Variants in HJURP observed in about 807,000 individuals in gnomAD.
HJURP encodes the protein 14-3-3-associated AKT substrate.
HJURP carries 49 observed loss-of-function variants against 72.0 expected under a neutral mutation model. That is an observed-to-expected ratio of 0.68 (90% CI 0.54 to 0.86). HJURP has a LOEUF of 0.86. Among genes scored for constraint, HJURP ranks in the 40% least tolerant of loss-of-function variants. The pLI is 0.00. For synonymous variants in HJURP, 357 were observed against 347.1 expected (o/e 1.03, Z -0.32); for missense variants, 908 against 936.3 (o/e 0.97, Z 0.39).
At chr2:233,842,850 C>T (rs953388964) in intron 7 of HJURP, among the ~76,000 whole-genome samples, 2 of 152,168 alleles carry the variant, frequency 1.3e-5, no homozygotes, top group Non-Finnish European at 2.9e-5. Flanking sequence ...CAGATGAGCA[C>T]GTGTTAACTC....
Position 233,846,835 on chromosome 2 carries a change from G to A in HJURP, c.402+562C>T, listed in dbSNP as rs638071. Among the ~76,000 whole-genome samples, 3,356 of 152,064 alleles carry A rather than the reference G, an allele frequency of 0.022. 125 individuals are homozygous for A. Among genetic ancestry groups the A allele is most frequent in the African/African-American group, 0.077 (3,192 of 41,452 alleles). Reference sequence around the variant, plus strand: ...AGCTGGTTAAGCTCTGTGTAAATTCGCATCTATCCCAACCAAGGAGGATAA... The same window carrying A: ...AGCTGGTTAAGCTCTGTGTAAATTCACATCTATCCCAACCAAGGAGGATAA... On this transcript the variant is annotated intron_variant, in intron 5 of 8. Transcript: ENST00000411486. This position sits in a 1 kb window ranked among gnomAD's most constrained non-coding sequence, Gnocchi z 4.3.
chr2:233,837,392 C>A lies in HJURP; in HGVS notation c.*185G>T. The A allele has an allele frequency of 2.2e-6, 1 of 462,702 alleles. No individual in the cohort carries two copies. Among genetic ancestry groups the A allele is most frequent in the Admixed American group, 4.2e-5 (1 of 23,924 alleles). The allele number at this position is 462,702 out of a possible 1,614,324, so 28.7% of individuals were successfully genotyped here. A position where few individuals can be genotyped will look rare whatever the true frequency, so the allele number is the denominator to read the frequency against. On this transcript the variant is annotated 3_prime_UTR_variant, in exon 9 of 9. Coordinates refer to ENST00000411486, the MANE Select transcript of HJURP (RefSeq NM_018410.5). ...GAGAACCCTAAAAATTCTAATTGAG[C>A]AACTTTATTCACATAATTTCTACAC... is the stretch of plus-strand genomic sequence containing the variant.
chr2:233,841,446 T>C lies in HJURP; in HGVS notation c.1334A>G (p.Tyr445Cys). ...AGGCTGGTTCCTGGGACTCAGGCAA[T>C]ATTCCCGATGAAGCTGATCAAATCG... is the stretch of plus-strand genomic sequence containing the variant. ...EIRFDQLHRE[Y>C]CLSPRNQPRR... The change falls in exon 8 of 9, where the codon TAT (tyrosine) becomes TGT (cysteine). Residue 445 changes from tyrosine (Y) to cysteine (C), a missense_variant. Tyr to Cys is a radical substitution (Grantham distance 194). This residue lies in a region of HJURP where 598 missense variants were observed against 619.5 expected (regional missense o/e 0.97). Transcript: ENST00000411486. The C allele has an allele frequency of 1.2e-6, 2 of 1,614,186 alleles. No individual in the cohort carries two copies. The highest frequency in any genetic ancestry group is 1.1e-5 in the South Asian group (1 of 91,080).
intron 6 of HJURP, among the ~76,000 whole-genome samples, chr2:233,844,693 A>G (rs1705312394): frequency 1.3e-5 from 2 of 152,204 alleles, no homozygotes; most frequent in South Asian, 4.1e-4. Context: ...CCAAGAGGAC[A>G]CCACTTGCTG....
Position 233,847,424 on chromosome 2 carries a change from C to T in HJURP, c.375G>A (p.Gln125=). 6.2e-7 allele frequency: 1 copy of T among 1,614,154 alleles called. No individual in the cohort carries two copies. The highest frequency in any genetic ancestry group is 1.1e-5 in the South Asian group (1 of 91,082). Residue 125 remains glutamine (Q), a synonymous_variant, in exon 5 of 9, where the codon CAG becomes CAA. Transcript: ENST00000411486. ...KSGEVDATSD[Q]EESVAWALAP... ...CTAAGGCCCAAGCAACTGACTCTTC[C>T]TGGTCTGACGTGGCATCGACCTCAC...
At position 233,840,712 on chromosome 2, in the gene HJURP, C is replaced by T. The variant is rs1180111669; in HGVS notation, c.2068G>A (p.Gly690Ser). Residue 690 changes from glycine to serine, a missense_variant, in exon 8 of 9, where the codon GGC becomes AGC. By Grantham distance (56) the Gly-to-Ser change is moderately conservative. Transcript: ENST00000411486. The stretch of plus-strand genomic sequence containing the variant: ...AGGGAATTGCCCTGGCGTCCGGAGC[C>T]CTGGGGTTCTGATAGCCTGGGTCTT... ...AKRPRLSEPQGSGRQGNSLGA... is the reference protein window; with the variant it reads ...AKRPRLSEPQSSGRQGNSLGA... The T allele has an allele frequency of 1.2e-6, 2 of 1,614,060 alleles. No homozygotes were observed. The highest frequency in any genetic ancestry group is 1.7e-6 in the Non-Finnish European group (2 of 1,180,024).
chr2:233,847,977 C>T (rs904678801), intron 4 of HJURP, among the ~76,000 whole-genome samples: 11 of 152,112 alleles, frequency 7.2e-5, no homozygotes, highest in Non-Finnish European at 1.2e-4. Flanking sequence ...TGATTTCAAG[C>T]GGTTGGGGAA....
At position 233,837,319 on chromosome 2, in the gene HJURP, A is replaced by AATACCC. The variant is rs1553643892; in HGVS notation, c.*257_*258insGGGTAT. 1.5e-5 allele frequency: 4 copies of AATACCC among 275,476 alleles called. No homozygotes were observed. The highest frequency in any genetic ancestry group is 8.2e-5 in the African/African-American group (3 of 36,520). The allele number at this position is 275,476 out of a possible 1,614,324, so 17.1% of individuals were successfully genotyped here. The stretch of plus-strand genomic sequence containing the variant: ...AAACAAACAAACAAACAAACAAATA[A>AATACCC]CCCCCCCCCAAAAAAAACACACACA... On this transcript the variant is annotated 3_prime_UTR_variant, in exon 9 of 9. Transcript: ENST00000411486.
At position 233,841,445 on chromosome 2, in the gene HJURP, A is replaced by G. The variant is rs1420337507; in HGVS notation, c.1335T>C (p.Tyr445=). 5 of 1,614,092 alleles carry G rather than the reference A, an allele frequency of 3.1e-6. No homozygotes were observed. The African/African-American group carries it at 5.3e-5, about 17-fold the overall frequency. The part of the protein sequence containing the change: ...EIRFDQLHRE[Y]CLSPRNQPRR... ...GAGGCTGGTTCCTGGGACTCAGGCAATATTCCCGATGAAGCTGATCAAATC... is the reference window on the plus strand; with the variant it reads ...GAGGCTGGTTCCTGGGACTCAGGCAGTATTCCCGATGAAGCTGATCAAATC... Residue 445 remains tyrosine (Y), a synonymous_variant, in exon 8 of 9, where the codon TAT becomes TAC. Transcript: ENST00000411486.
chr2:233,841,716 A>G lies in HJURP; in HGVS notation c.1064T>C (p.Leu355Ser), dbSNP rs780630668. 77 of 1,614,086 alleles carry G rather than the reference A, an allele frequency of 4.8e-5. No individual in the cohort carries two copies. The highest frequency in any genetic ancestry group is 6.3e-5 in the Non-Finnish European group (74 of 1,180,044). Reference sequence around the variant, plus strand: ...GTTGACTTCAAGAAAAGCTTTTTCCAATTTTAAACCTGTCTTACGGCAAGA... The same window carrying G: ...GTTGACTTCAAGAAAAGCTTTTTCCGATTTTAAACCTGTCTTACGGCAAGA... ...DVSCRKTGLK[L>S]EKAFLEVNRP... is the part of the protein sequence containing the mutation. The change falls in exon 8 of 9, where the codon TTG becomes TCG. Residue 355 changes from leucine (L) to serine (S), a missense_variant. By Grantham distance (145) the Leu-to-Ser change is moderately radical. Transcript: ENST00000411486.
At position 233,841,243 on chromosome 2, in the gene HJURP, T is replaced by A. The variant is rs375179919; in HGVS notation, c.1537A>T (p.Arg513Trp). The A allele has an allele frequency of 1.2e-6, 2 of 1,614,136 alleles. No individual in the cohort carries two copies. Residue 513 changes from arginine to tryptophan, a missense_variant, in exon 8 of 9, where the codon AGG becomes TGG. Arg to Trp is a moderately radical substitution (Grantham distance 101). Around this residue, in one of 3 missense-constraint regions of HJURP, gnomAD observed 598 missense variants for 619.5 expected, o/e 0.97. Coordinates refer to ENST00000411486, the MANE Select transcript of HJURP (RefSeq NM_018410.5). Reference protein sequence around the residue: ...NLGKRSLEAGRCLPKSDSSSS... With the variant: ...NLGKRSLEAGWCLPKSDSSSS... ...GATGAATCGCTCTTGGGCAGGCACC[T>A]ACCTGCTTCCAGAGATCTTTTGCCT...
chr2:233,854,377 G>T lies in HJURP; in HGVS notation c.117+7C>A. On this transcript the variant is annotated splice_region_variant and intron_variant, in intron 1 of 8. Transcript: ENST00000411486. ...CTCCCCTCCCGGCGGACCGGCGGGG[G>T]CCGCACCTTCTCTATCAGCCGCTGC... 6.3e-7 allele frequency: 1 copy of T among 1,576,538 alleles called. No homozygotes were observed. The highest frequency in any genetic ancestry group is 8.6e-7 in the Non-Finnish European group (1 of 1,161,530).
rs768167702 is a variant in HJURP, at chr2:233,841,595, T to C, written c.1185A>G (p.Thr395=). 1.9e-6 allele frequency: 3 copies of C among 1,614,246 alleles called. No homozygotes were observed. Among genetic ancestry groups the C allele is most frequent in the Admixed American group, 3.3e-5 (2 of 60,022 alleles). The change falls in exon 8 of 9, where the codon ACA becomes ACG. Residue 395 remains threonine, a synonymous_variant. Coordinates refer to ENST00000411486, the MANE Select transcript of HJURP (RefSeq NM_018410.5). ...SSLIYFDSSA[T]YNLDEENRFR... is the part of the protein sequence containing the mutation. ...ATCTATTTTCCTCATCAAGATTATA[T>C]GTTGCACTGGAGTCGAAGTAAATCA...
chr2:233,851,232 C>T (rs1032044072), intron 3 of HJURP, among the ~76,000 whole-genome samples: 2 of 152,154 alleles, frequency 1.3e-5, no homozygotes, highest in African/African-American at 4.8e-5. Context: ...TATACTTTAA[C>T]CCGATAATCC....
chr2:233,839,614 G>C (rs1199405383), intron 8 of HJURP, among the ~76,000 whole-genome samples: 1 of 152,230 alleles, frequency 6.6e-6, no homozygotes, highest in African/African-American at 2.4e-5. Context: ...GAAGGAACAA[G>C]GCATACCAGA....
chr2:233,840,309 TAGTA>T (rs1373772503), intron 8 of HJURP, among the ~76,000 whole-genome samples: 3 of 152,160 alleles, frequency 2.0e-5, no homozygotes, highest in Non-Finnish European at 2.9e-5. Flanking sequence ...GAATAAAGCG[TAGTA>T]AGTGAGGATT....
At chr2:233,853,359 C>T (rs1213735629) in intron 2 of HJURP, among the ~76,000 whole-genome samples, 1 of 152,246 alleles carries the variant, frequency 6.6e-6, no homozygotes. Context: ...CCTTCTCCTC[C>T]CTATTCAAGT....
At position 233,840,776 on chromosome 2, in the gene HJURP, G is replaced by A. The variant is rs1705204942; in HGVS notation, c.2004C>T (p.Ile668=). The A allele has an allele frequency of 1.2e-6, 2 of 1,613,366 alleles. No individual in the cohort carries two copies. Among genetic ancestry groups the A allele is most frequent in the Admixed American group, 3.3e-5 (2 of 59,800 alleles). The change falls in exon 8 of 9, where the codon ATC becomes ATT. Residue 668 remains isoleucine, a synonymous_variant. Transcript: ENST00000411486. The part of the protein sequence containing the change: ...APSSTCVARA[I]TRDGTRDHQF... ...GATGGTCCCTCGTGCCATCCCTCGT[G>A]ATGGCACGAGCAACACATGTAGATG...
chr2:233,847,935 G>T (rs1705407671), intron 4 of HJURP, among the ~76,000 whole-genome samples: 1 of 152,174 alleles, frequency 6.6e-6, no homozygotes, highest in Non-Finnish European at 1.5e-5. Flanking sequence ...GTGCCATACT[G>T]GGCAGTACAT....
Sources: allele counts gnomAD v4.1 joint callset (sites outside exome capture counted in the v4.1 genomes callset), GRCh38; gene constraint gnomAD v4.1.1; regional missense constraint gnomAD v4.1.1; non-coding constraint Gnocchi (gnomAD v3.1); transcripts MANE v1.5; gene names NCBI Gene and HGNC (gene_info 2026-07-23, HGNC 2026-07-21).